Variants in ZNF567 observed in about 807,000 individuals in gnomAD.
ZNF567 encodes the protein zinc finger protein 567.
A neutral mutation model predicts 53.9 loss-of-function variants in ZNF567; 36 were observed. That is an observed-to-expected ratio of 0.67 (90% CI 0.51 to 0.88). The LOEUF (loss-of-function observed/expected upper bound fraction) is 0.88. Ranked by LOEUF, ZNF567 falls within the 40% of genes least tolerant of loss-of-function variation. ZNF567 has a pLI of 0.00. For synonymous variants in ZNF567, 224 were observed against 260.4 expected, an observed-to-expected ratio of 0.86 and a Z score of 1.35; for missense variants, 619 against 764.7, an observed-to-expected ratio of 0.81 and a Z score of 2.25.
At chr19:36,722,799 T>G (rs2040315510), downstream of ZNF567, among the ~76,000 whole-genome samples, 1 of 152,134 alleles carries the variant, frequency 6.6e-6, no homozygotes. Flanking sequence ...TAGCAAAAAA[T>G]GAACAGGGCA....
chr19:36,685,132 AC>A (rs2038240607), upstream of ZNF567, among the ~76,000 whole-genome samples: 4 of 152,300 alleles, frequency 2.6e-5, no homozygotes, highest in South Asian at 4.1e-4. Context: ...TACTAAAAAT[AC>A]AAAAATTATC....
chr19:36,670,200 T>C, the ZNF567 span, among the ~76,000 whole-genome samples: 1 of 152,116 alleles, frequency 6.6e-6, no homozygotes, highest in Non-Finnish European at 1.5e-5. Flanking sequence ...TGTCTCACAA[T>C]GGGCACAGCA....
At chr19:36,694,911 C>CTTT (rs36094586) in intron 3 of ZNF567, 35 bp downstream of exon 3, 146 of 1,367,910 alleles carry the variant, frequency 1.1e-4, no homozygotes, top group East Asian at 4.3e-4. Context: ...TTCTGAAAGT[C>CTTT]TTTTTTTTTT....
intron 3 of ZNF567, among the ~76,000 whole-genome samples, chr19:36,698,127 A>G (rs1229525673): frequency 1.3e-5 from 2 of 151,450 alleles, no homozygotes; most frequent in African/African-American, 4.9e-5. Context: ...TCCTGTGTCC[A>G]TGTGTTCTCA....
chr19:36,725,012 T>C (rs1333634439), downstream of ZNF567, among the ~76,000 whole-genome samples: 1 of 152,116 alleles, frequency 6.6e-6, no homozygotes, highest in African/African-American at 2.4e-5. Flanking sequence ...TCTTTCATTC[T>C]TGAACATAGT....
At chr19:36,696,455 A>C (rs1358949151) in intron 3 of ZNF567, among the ~76,000 whole-genome samples, 2 of 152,196 alleles carry the variant, frequency 1.3e-5, no homozygotes, top group Non-Finnish European at 2.9e-5. Flanking sequence ...CATGTTCCGC[A>C]GATCCTTCAT....
upstream of ZNF567, among the ~76,000 whole-genome samples, chr19:36,684,173 A>G (rs2038228382): frequency 6.6e-6 from 1 of 152,242 alleles, no homozygotes; most frequent in African/African-American, 2.4e-5. Context: ...TTTGTTCACT[A>G]TATTTTGTTA....
the ZNF567 span, among the ~76,000 whole-genome samples, chr19:36,673,451 G>A: frequency 1.3e-5 from 2 of 152,128 alleles, no homozygotes; most frequent in African/African-American, 2.4e-5. Flanking sequence ...AGCAGATTAC[G>A]CTCCACACAA....
chr19:36,708,462 C>G (rs8111419), intron 3 of ZNF567, among the ~76,000 whole-genome samples: 7,010 of 152,192 alleles, frequency 0.046, 465 homozygotes, highest in African/African-American at 0.14. Flanking sequence ...ATTCCTGGAG[C>G]TACATTAACA....
downstream of ZNF567, chr19:36,723,351 C>T: frequency 3.0e-6 from 2 of 672,476 alleles, no homozygotes; most frequent in Non-Finnish European, 5.4e-6. Flanking sequence ...TGTGGCATCA[C>T]TGCATGTGCT....
chr19:36,681,973 A>C, the ZNF567 span, among the ~76,000 whole-genome samples: 1 of 152,170 alleles, frequency 6.6e-6, no homozygotes, highest in Non-Finnish European at 1.5e-5. Flanking sequence ...GGGAAGTAAC[A>C]AAATAATTAC....
chr19:36,707,369 A>G (rs1016514594), intron 3 of ZNF567, among the ~76,000 whole-genome samples: 1 of 152,124 alleles, frequency 6.6e-6, no homozygotes, highest in African/African-American at 2.4e-5. Flanking sequence ...CATTTTGCTT[A>G]GTTTATATTG....
intron 3 of ZNF567, among the ~76,000 whole-genome samples, chr19:36,702,537 T>C (rs900030787): frequency 1.3e-5 from 2 of 152,156 alleles, no homozygotes; most frequent in African/African-American, 2.4e-5. Context: ...CTTGGTTCCA[T>C]TCTCCCTGTC....
At chr19:36,705,564 T>C (rs2039448657) in intron 3 of ZNF567, among the ~76,000 whole-genome samples, 1 of 152,216 alleles carries the variant, frequency 6.6e-6, no homozygotes, top group Admixed American at 6.5e-5. Flanking sequence ...TTCCTAAATT[T>C]ATGGAGACTT....
At chr19:36,713,020 AC>A (rs2039868983) in intron 5 of ZNF567, among the ~76,000 whole-genome samples, 153 bp downstream of exon 5, 1 of 152,080 alleles carries the variant, frequency 6.6e-6, no homozygotes. Flanking sequence ...TCAAAACCAG[AC>A]CTTTAGGCTA....
chr19:36,712,979 T>C lies in ZNF567; in HGVS notation c.223+112T>C, dbSNP rs984788267. On this transcript the variant is annotated intron_variant, in intron 5 of 5. Transcript: ENST00000682579. ...AGGAGTATCTTTTTTTAAAGGCTCT[T>C]GACCTCTGAAAACCTTCATGCCTAT... 2.7e-5 allele frequency: 23 copies of C among 839,982 alleles called. No homozygotes were observed. In the African/African-American group the frequency reaches 3.3e-4, roughly 12 times the overall value. The allele number at this position is 839,982 out of a possible 1,614,324, so 52.0% of individuals were successfully genotyped here.
chr19:36,678,704 C>T, the ZNF567 span, among the ~76,000 whole-genome samples: 17 of 151,556 alleles, frequency 1.1e-4, no homozygotes, highest in Admixed American at 2.0e-4. Context: ...ATTCGCCAGG[C>T]GTAGTGGTGG....
the ZNF567 span, chr19:36,669,349 A>ATG: frequency 6.6e-6 from 1 of 152,220 alleles, no homozygotes; most frequent in African/African-American, 2.4e-5. Context: ...GTTGGAGATC[A>ATG]TGTGAGATTT....
the ZNF567 span, among the ~76,000 whole-genome samples, chr19:36,677,339 A>T: frequency 1.3e-5 from 2 of 150,150 alleles, no homozygotes; most frequent in Admixed American, 6.7e-5. Flanking sequence ...GGCACCTGTA[A>T]TCCCAGCTAC....
Sources: gnomAD v4.1 joint callset for allele counts (sites outside exome capture counted in the v4.1 genomes callset) on GRCh38, gnomAD v4.1.1 for gene constraint, MANE v1.5 for transcripts, NCBI Gene and HGNC (gene_info 2026-07-23, HGNC 2026-07-21) for gene names.